RHOBTB3: variants seen among roughly 807,000 people sequenced by gnomAD.
RHOBTB3 encodes the protein Rho related BTB domain containing 3, also known as rho-related BTB domain-containing protein 3.
Under a neutral mutation model 67.2 loss-of-function variants are expected in RHOBTB3, and 47 were observed. The ratio of observed to expected loss-of-function variants is 0.70; its 90% CI spans 0.55 to 0.89. The LOEUF (loss-of-function observed/expected upper bound fraction) is 0.89, where lower values mean the gene tolerates loss of function less well. RHOBTB3 is among the 40% of genes least tolerant of loss of function. The pLI, the probability that RHOBTB3 is intolerant of heterozygous loss-of-function variation, is 0.00. For synonymous variants in RHOBTB3, 273 were observed against 274.2 expected (o/e 1.00, Z 0.04); for missense variants, 631 against 750.0 (o/e 0.84, Z 1.85).
chr5:95,794,056 A>T lies in RHOBTB3; in HGVS notation c.*882A>T, dbSNP rs1367567108. 1 of 456,278 alleles carries T rather than the reference A, an allele frequency of 2.2e-6. No homozygotes were observed. The highest frequency in any genetic ancestry group is 6.9e-5 in the East Asian group (1 of 14,398). 28.3% of individuals were successfully genotyped at this position (456,278 alleles called of 1,614,324 possible). A position where few individuals can be genotyped will look rare whatever the true frequency, so the allele number is the denominator to read the frequency against. On this transcript the variant is annotated 3_prime_UTR_variant, in exon 12 of 12. Coordinates refer to ENST00000379982, the MANE Select transcript of RHOBTB3 (RefSeq NM_014899.4). ...ATATAAAGGGAAGAGAAGGAGGCTC[A>T]CCGGAGGGAAGAGAACATAGTGAAG...
chr5:95,744,447 G>T (rs1307009506), intron 3 of RHOBTB3, among the ~76,000 whole-genome samples: 2 of 151,934 alleles, frequency 1.3e-5, no homozygotes, highest in African/African-American at 4.8e-5. Context: ...TCTCTCAGTT[G>T]ACTATGAGTT....
At chr5:95,791,606 A>G (rs566591173) in intron 11 of RHOBTB3, among the ~76,000 whole-genome samples, 1 of 152,274 alleles carries the variant, frequency 6.6e-6, no homozygotes, top group South Asian at 2.1e-4. Context: ...ATAATAGATG[A>G]GGTTAAACAG....
At chr5:95,722,650 C>T (rs546046353) in intron 1 of RHOBTB3, among the ~76,000 whole-genome samples, 4 of 152,146 alleles carry the variant, frequency 2.6e-5, no homozygotes, top group Non-Finnish European at 5.9e-5. Flanking sequence ...CCACCATGCC[C>T]GGCTAATTTT....
At chr5:95,790,830 A>G (rs958532170) in intron 11 of RHOBTB3, among the ~76,000 whole-genome samples, 3 of 152,194 alleles carry the variant, frequency 2.0e-5, no homozygotes, top group Non-Finnish European at 4.4e-5. Flanking sequence ...TAGCCTGCCA[A>G]CGTGTTTTAT....
Position 95,732,039 on chromosome 5 carries a change from T to A in RHOBTB3, c.183T>A (p.Ser61Arg). ...CGGTGTTCACCGAGTATCAGGCCAGTGCGTTTGGGAATGTCAAGCTGGTGG... is the reference window on the plus strand; with the variant it reads ...CGGTGTTCACCGAGTATCAGGCCAGAGCGTTTGGGAATGTCAAGCTGGTGG... ...ARPVFTEYQA[S>R]AFGNVKLVVH... The change falls in exon 2 of 12, where the codon AGT (serine) becomes AGA (arginine). Residue 61 changes from serine to arginine, a missense_variant. Coordinates refer to ENST00000379982, the MANE Select transcript of RHOBTB3 (RefSeq NM_014899.4). The A allele has an allele frequency of 1.2e-6, 2 of 1,614,110 alleles. No individual in the cohort carries two copies. The highest frequency in any genetic ancestry group is 2.2e-5 in the East Asian group (1 of 44,868).
At chr5:95,731,027 C>T (rs1446278506), upstream of RHOBTB3, 4 of 914,104 alleles carry the variant, frequency 4.4e-6, no homozygotes, top group African/African-American at 3.5e-5. Flanking sequence ...TCGCCCCACC[C>T]CCCTTTCCTG....
chr5:95,785,623 T>A (rs1350721367), intron 10 of RHOBTB3, among the ~76,000 whole-genome samples: 1 of 152,014 alleles, frequency 6.6e-6, no homozygotes, highest in Non-Finnish European at 1.5e-5. Context: ...GTAACACTGA[T>A]CTCTTTTTGT....
chr5:95,730,758 C>T (rs572414199), upstream of RHOBTB3: 46 of 370,172 alleles, frequency 1.2e-4, no homozygotes, highest in African/African-American at 8.5e-4. Flanking sequence ...CCCCCCAAGG[C>T]GACATTAGCA....
intron 5 of RHOBTB3, among the ~76,000 whole-genome samples, chr5:95,754,333 G>A (rs1052379703): frequency 6.6e-6 from 1 of 152,106 alleles, no homozygotes; most frequent in African/African-American, 2.4e-5. Context: ...TTCCAAGGAC[G>A]GATCCTGGGC....
chr5:95,788,875 T>C lies in RHOBTB3; in HGVS notation c.1720+17T>C, dbSNP rs754024881. The stretch of plus-strand genomic sequence containing the variant: ...ATCTTTCAGGTAGATTGCTAATTTC[T>C]GTTTTGAAAAGAAAACTTTATGTTC... On this transcript the variant is annotated intron_variant, in intron 11 of 11. Transcript: ENST00000379982. The C allele has an allele frequency of 1.4e-6, 2 of 1,442,618 alleles. No homozygotes were observed. The highest frequency in any genetic ancestry group is 1.9e-6 in the Non-Finnish European group (2 of 1,069,310). The allele number at this position is 1,442,618 out of a possible 1,614,324, so 89.4% of individuals were successfully genotyped here.
intron 1 of RHOBTB3, among the ~76,000 whole-genome samples, chr5:95,718,186 T>A (rs979278158): frequency 6.6e-6 from 1 of 152,208 alleles, no homozygotes; most frequent in South Asian, 2.1e-4. Context: ...AAAAAGTTGC[T>A]TCTAGCCGTA....
At position 95,795,408 on chromosome 5, in the gene RHOBTB3, C is replaced by T. The variant is rs561352187; in HGVS notation, c.*2234C>T. On this transcript the variant is annotated 3_prime_UTR_variant, in exon 12 of 12. Coordinates refer to ENST00000379982, the MANE Select transcript of RHOBTB3 (RefSeq NM_014899.4). ...CATATTCGCACCCCTATATGAATTA[C>T]AGCATTTAAAGTTCAAAATCAGTAA... 1 of 152,242 alleles carries T rather than the reference C, an allele frequency of 6.6e-6. No individual in the cohort carries two copies. The highest frequency in any genetic ancestry group is 2.1e-4 in the South Asian group (1 of 4,832). The allele number at this position is 152,242 out of a possible 1,614,324, so 9.4% of individuals were successfully genotyped here. A position where few individuals can be genotyped will look rare whatever the true frequency, so the allele number is the denominator to read the frequency against.
intron 2 of RHOBTB3, 77 bp downstream of exon 2, chr5:95,732,161 C>A: frequency 1.5e-6 from 2 of 1,341,812 alleles, no homozygotes; most frequent in East Asian, 2.4e-5. Context: ...CCCTTCTGCC[C>A]ACTTCCGTGA....
chr5:95,770,163 A>C lies in RHOBTB3; in HGVS notation c.1282+1997A>C, dbSNP rs1052498099. The C allele has an allele frequency of 1.6e-5, 4 of 257,670 alleles. No individual in the cohort carries two copies. In the Admixed American group the frequency reaches 1.9e-4, roughly 12 times the overall value. 16.0% of individuals were successfully genotyped at this position (257,670 alleles called of 1,614,324 possible). ...CAGTTAGATATCACAGCTAGTGAAT[A>C]TGAAAAGGGAAAAGTGAATGAATGG... On this transcript the variant is annotated intron_variant, in intron 8 of 11. Coordinates refer to ENST00000379982, the MANE Select transcript of RHOBTB3 (RefSeq NM_014899.4).
intron 3 of RHOBTB3, among the ~76,000 whole-genome samples, chr5:95,744,654 G>A (rs573357235): frequency 3.3e-5 from 5 of 152,044 alleles, no homozygotes; most frequent in Non-Finnish European, 7.3e-5. Context: ...TATTCAACTC[G>A]AGGACCTATA....
At chr5:95,761,859 G>A (rs979098671) in intron 6 of RHOBTB3, among the ~76,000 whole-genome samples, 2 of 152,158 alleles carry the variant, frequency 1.3e-5, no homozygotes, top group African/African-American at 4.8e-5. Flanking sequence ...TGACTTTAAT[G>A]TTTGTGTGCA....
chr5:95,721,468 GAC>G (rs1420356951), intron 1 of RHOBTB3, among the ~76,000 whole-genome samples: 1 of 152,160 alleles, frequency 6.6e-6, no homozygotes, highest in African/African-American at 2.4e-5. Context: ...TCGGAGTTGT[GAC>G]AGTTACTGAC....
At chr5:95,761,665 G>T (rs1315453933) in intron 6 of RHOBTB3, among the ~76,000 whole-genome samples, 1 of 152,178 alleles carries the variant, frequency 6.6e-6, no homozygotes, top group Non-Finnish European at 1.5e-5. Context: ...GATGCCAGGG[G>T]CTTCAGGCCC....
chr5:95,750,888 A>C (rs1020099513), intron 4 of RHOBTB3, among the ~76,000 whole-genome samples: 6 of 152,228 alleles, frequency 3.9e-5, no homozygotes, highest in Admixed American at 1.3e-4. Context: ...ATTAGGGATC[A>C]GCTCTCCCTT....
Sources: gnomAD v4.1 joint callset for allele counts (sites outside exome capture counted in the v4.1 genomes callset) on GRCh38, gnomAD v4.1.1 for gene constraint, MANE v1.5 for transcripts, NCBI Gene and HGNC (gene_info 2026-07-23, HGNC 2026-07-21) for gene names.